LAMB4: variants seen among roughly 807,000 people sequenced by gnomAD.
LAMB4 encodes the protein laminin subunit beta 4.
A neutral mutation model predicts 199.2 loss-of-function variants in LAMB4; 196 were observed. That is an observed-to-expected ratio of 0.98 (90% CI 0.88 to 1.11). The LOEUF (loss-of-function observed/expected upper bound fraction) is 1.11. Ranked by LOEUF, LAMB4 falls within the 50% of genes least tolerant of loss-of-function variation. LAMB4 has a pLI of 0.00. For missense variants in LAMB4, 2,080 were observed against 2,171.2 expected (o/e 0.96, Z 0.83); for synonymous variants, 744 against 770.6 (o/e 0.97, Z 0.57).
At chr7:108,018,316 A>G in the LAMB4 span, among the ~76,000 whole-genome samples, 1 of 152,314 alleles carries the variant, frequency 6.6e-6, no homozygotes, top group Admixed American at 6.5e-5. Context: ...CCCTTGGTTT[A>G]GCCAATGGGA....
chr7:108,025,438 T>TCTTTC (rs1563024861), intron 33 of LAMB4, among the ~76,000 whole-genome samples: 1 of 107,470 alleles, frequency 9.3e-6, no homozygotes, highest in African/African-American at 1.1e-4. Context: ...CTTTCTTTTT[T>TCTTTC]TTTTTTTGAG....
chr7:108,098,572 A>C lies in LAMB4; in HGVS notation c.1191T>G (p.Cys397Trp), dbSNP rs1228221224. The C allele has an allele frequency of 2.5e-6, 4 of 1,598,748 alleles. No homozygotes were observed. The highest frequency in any genetic ancestry group is 2.2e-5 in the East Asian group (1 of 44,776). ...SDPYACIPCE[C>W]DPDGTISGGI... ...CACCAGATATGGTCCCATCGGGGTCACATTCACAAGCTGGGGACACAGACA... is the reference window on the plus strand; with the variant it reads ...CACCAGATATGGTCCCATCGGGGTCCCATTCACAAGCTGGGGACACAGACA... The change falls in exon 11 of 34, where the codon TGT becomes TGG. Residue 397 changes from cysteine to tryptophan, a missense_variant. Physicochemically the swap from Cys to Trp is radical, Grantham distance 215 (BLOSUM62 -2). Transcript: ENST00000388781.
At chr7:108,051,669 G>A (rs2035831297) in intron 26 of LAMB4, among the ~76,000 whole-genome samples, 1 of 152,076 alleles carries the variant, frequency 6.6e-6, no homozygotes, top group Non-Finnish European at 1.5e-5. Flanking sequence ...GCTCTTATGA[G>A]AAATATTGTG....
rs766891064 is a variant in LAMB4 at position 108,107,648 on chromosome 7, G to T, written c.574C>A (p.Pro192Thr). 6.2e-7 allele frequency: 1 copy of T among 1,608,728 alleles called. No homozygotes were observed. The highest frequency in any genetic ancestry group is 2.2e-5 in the East Asian group (1 of 44,768). Residue 192 changes from proline (P) to threonine (T), a missense_variant, in exon 6 of 34, where the codon CCC (proline) becomes ACC (threonine). Coordinates refer to ENST00000388781, the MANE Select transcript of LAMB4 (RefSeq NM_007356.3). ...AATGCTACCTCTCCACCTGTTGAGG[G>T]TTCAATATCCGAGTATTTGGAGTCA... The part of the protein sequence containing the change: ...VCDSKYSDIE[P>T]STGGEVVLKV...
At chr7:108,084,255 T>C (rs1038929316) in intron 14 of LAMB4, among the ~76,000 whole-genome samples, 1 of 152,130 alleles carries the variant, frequency 6.6e-6, no homozygotes, top group African/African-American at 2.4e-5. Context: ...ACTAGTGTCA[T>C]TTTGTAAATT....
intron 10 of LAMB4, 137 bp from the exon 11 acceptor site, chr7:108,098,719 G>T: frequency 1.5e-6 from 1 of 665,948 alleles, no homozygotes; most frequent in Non-Finnish European, 2.4e-6. Context: ...AGACCACCTG[G>T]CAAGAGCTAT....
rs576587457 is a variant in LAMB4 at position 108,105,916 on chromosome 7, G to T, written c.771C>A (p.Tyr257Ter). The change falls in exon 8 of 34, where the codon TAC (tyrosine) becomes TAA (stop). Residue 257 changes from tyrosine (Y) to a stop codon, truncating the protein, a stop_gained. Transcript: ENST00000388781. LOFTEE classifies it high-confidence loss of function. ...DSLDKYYYAL[Y>*]EMIVRGSCFC... ...AGCAGCTTCCCCGAACAATCATCTC[G>T]TACAGAGCATAGTAGTATTTATCAA... 2 of 1,614,108 alleles carry T rather than the reference G, an allele frequency of 1.2e-6. No individual in the cohort carries two copies. Among genetic ancestry groups the T allele is most frequent in the Admixed American group, 1.7e-5 (1 of 60,022 alleles).
At chr7:108,043,640 C>G in intron 29 of LAMB4, 112 bp downstream of exon 29, 2 of 192,620 alleles carry the variant, frequency 1.0e-5, no homozygotes, top group Non-Finnish European at 1.6e-5. Context: ...AGTGCAGTGG[C>G]GCGATCTCGG....
intron 4 of LAMB4, 103 bp from the exon 5 acceptor site, chr7:108,109,347 G>T: frequency 6.0e-6 from 5 of 829,348 alleles, no homozygotes; most frequent in Non-Finnish European, 1.0e-5. Context: ...TCTCTTTGAT[G>T]CCACAAGGCT....
intron 10 of LAMB4, 83 bp downstream of exon 10, chr7:108,102,961 G>T: frequency 8.1e-7 from 1 of 1,230,850 alleles, no homozygotes; most frequent in Non-Finnish European, 1.1e-6. Context: ...CCGTTAAGCA[G>T]ATAAGGTGCG....
chr7:108,056,899 A>T (rs373571477), intron 24 of LAMB4, among the ~76,000 whole-genome samples: 2 of 149,238 alleles, frequency 1.3e-5, no homozygotes, highest in East Asian at 2.0e-4. Context: ...GAGCCCAGGG[A>T]GGCTGAAGCT....
At chr7:108,116,639 C>T (rs1274940739) in intron 2 of LAMB4, among the ~76,000 whole-genome samples, 2 of 152,140 alleles carry the variant, frequency 1.3e-5, no homozygotes, top group African/African-American at 4.8e-5. Flanking sequence ...CCATGGAAGG[C>T]ATTTTTTATT....
rs147135395 is a variant in LAMB4 at position 108,098,516 on chromosome 7, A to G, written c.1247T>C (p.Leu416Ser). 30 of 1,613,746 alleles carry G rather than the reference A, an allele frequency of 1.9e-5. No individual in the cohort carries two copies. The highest frequency in any genetic ancestry group is 2.5e-5 in the Non-Finnish European group (30 of 1,179,990). The change falls in exon 11 of 34, where the codon TTA becomes TCA. Residue 416 changes from leucine (L) to serine (S), a missense_variant. Physicochemically the swap from Leu to Ser is moderately radical, Grantham distance 145. Coordinates refer to ENST00000388781, the MANE Select transcript of LAMB4 (RefSeq NM_007356.3). ...GICVSHSDPA[L>S]GSVAGQCLCK... ...AAGGCACTGGCCGGCCACAGACCCT[A>G]AGGCAGGATCAGAGTGGCTCACACA...
At chr7:108,019,302 A>G (rs1362410160), downstream of LAMB4, among the ~76,000 whole-genome samples, 1 of 151,830 alleles carries the variant, frequency 6.6e-6, no homozygotes, top group Admixed American at 6.6e-5. Context: ...AAAGCCAGCA[A>G]CATCAGGTCA....
At chr7:108,129,223 G>T (rs76219377) in intron 1 of LAMB4, among the ~76,000 whole-genome samples, 1 of 152,170 alleles carries the variant, frequency 6.6e-6, no homozygotes, top group Non-Finnish European at 1.5e-5. Context: ...AACCACAGGT[G>T]CATCGTGTTT....
chr7:108,015,946 A>G, the LAMB4 span, among the ~76,000 whole-genome samples: 13 of 152,112 alleles, frequency 8.5e-5, no homozygotes, highest in African/African-American at 2.9e-4. Flanking sequence ...GTTTTCTTTC[A>G]AGCAGAATTA....
In LAMB4 at chr7:108,051,660, C is replaced by T. The variant is rs58419307; in HGVS notation, c.3916+437G>A. 9.5e-3 allele frequency among the ~76,000 whole-genome samples: 1,453 copies of T among 152,196 alleles called. 17 individuals are homozygous for T. Among genetic ancestry groups the T allele is most frequent in the African/African-American group, 0.03 (1,240 of 41,528 alleles). ...TTGCATGACTCTCATTCTTACAAAG[C>T]TCTTATGAGAAATATTGTGGGGTTT... On this transcript the variant is annotated intron_variant, in intron 26 of 33. Coordinates refer to ENST00000388781, the MANE Select transcript of LAMB4 (RefSeq NM_007356.3).
At chr7:108,125,398 G>T (rs1025290032) in intron 1 of LAMB4, among the ~76,000 whole-genome samples, 1 of 152,190 alleles carries the variant, frequency 6.6e-6, no homozygotes, top group Admixed American at 6.5e-5. Context: ...AATGCAAAAT[G>T]ATTGGCATTA....
At position 108,063,114 on chromosome 7, in the gene LAMB4, C is replaced by T. The variant is rs112928006; in HGVS notation, c.3062-120G>A. The T allele has an allele frequency of 5.2e-4, 303 of 578,664 alleles. 1 individual carries two copies. Among genetic ancestry groups the T allele is most frequent in the Non-Finnish European group, 8.1e-4 (273 of 338,128 alleles). The allele number at this position is 578,664 out of a possible 1,614,324, so 35.8% of individuals were successfully genotyped here. A position where few individuals can be genotyped will look rare whatever the true frequency, so the allele number is the denominator to read the frequency against. On this transcript the variant is annotated intron_variant, in intron 22 of 33. Coordinates refer to ENST00000388781, the MANE Select transcript of LAMB4 (RefSeq NM_007356.3). Reference sequence around the variant, plus strand: ...TTCTCCAAGGGGCTCAAAGAATGAACGCCTTATAATAGTAAAGAATTTACC... The same window carrying T: ...TTCTCCAAGGGGCTCAAAGAATGAATGCCTTATAATAGTAAAGAATTTACC...
Sources: gnomAD v4.1 joint callset for allele counts (sites outside exome capture counted in the v4.1 genomes callset) on GRCh38, gnomAD v4.1.1 for gene constraint, MANE v1.5 for transcripts, NCBI Gene and HGNC (gene_info 2026-07-23, HGNC 2026-07-21) for gene names.